GRIK2: variants seen among roughly 807,000 people sequenced by gnomAD.
GRIK2 encodes glutamate receptor ionotropic, kainate 2.
In GRIK2, 32 loss-of-function variants were observed where a neutral mutation model predicts 100.3. The ratio of observed to expected loss-of-function variants is 0.32; its 90% CI spans 0.24 to 0.43. The LOEUF (loss-of-function observed/expected upper bound fraction) is 0.43. Ranked by LOEUF, GRIK2 falls within the 20% of genes least tolerant of loss-of-function variation. The pLI is 1.00. For synonymous variants in GRIK2, 417 were observed against 389.4 expected (o/e 1.07, Z -0.83); for missense variants, 843 against 1,114.9 (o/e 0.76, Z 3.47).
chr6:101,879,947 C>T (rs1786130956), intron 11 of GRIK2, among the ~76,000 whole-genome samples: 2 of 152,068 alleles, frequency 1.3e-5, no homozygotes. Flanking sequence ...ATTTTGTCCA[C>T]CAACCCATAG....
chr6:101,848,559 C>G (rs911824810), intron 10 of GRIK2, among the ~76,000 whole-genome samples: 1 of 152,006 alleles, frequency 6.6e-6, no homozygotes, highest in Admixed American at 6.6e-5. Flanking sequence ...TATTTTAACA[C>G]GAGGTATTCC....
chr6:101,609,666 A>G (rs150567424), intron 2 of GRIK2, among the ~76,000 whole-genome samples: 8 of 151,970 alleles, frequency 5.3e-5, no homozygotes, highest in Non-Finnish European at 8.8e-5. Flanking sequence ...TCTTCTCCAT[A>G]TTAGTGAGAT....
chr6:101,713,565 G>T (rs763118637), intron 7 of GRIK2, among the ~76,000 whole-genome samples: 12 of 151,786 alleles, frequency 7.9e-5, no homozygotes, highest in Non-Finnish European at 1.2e-4. Context: ...TTCAGCAAAA[G>T]ACTATGATAA....
At chr6:101,783,736 A>C (rs1026031414) in intron 7 of GRIK2, among the ~76,000 whole-genome samples, 17 of 152,156 alleles carry the variant, frequency 1.1e-4, no homozygotes, top group African/African-American at 4.1e-4. Context: ...ATGCAGATGA[A>C]GAACTTGCTG....
rs532344836 is a variant in GRIK2 at position 101,668,565 on chromosome 6, C to T, written c.542-8058C>T. 1.4e-3 allele frequency among the ~76,000 whole-genome samples: 25 copies of T among 17,332 alleles called. No homozygotes were observed. The South Asian group carries it at 0.084, about 58-fold the overall frequency. The allele number at this position is 17,332 out of a possible 152,430, so 11.4% of individuals were successfully genotyped here. A position where few individuals can be genotyped will look rare whatever the true frequency, so the allele number is the denominator to read the frequency against. Reference sequence around the variant, plus strand: ...TTCTGAATAAATTATTATCTTTTCTCAACTGAAAAAAAAAAGATGATGATG... The same window carrying T: ...TTCTGAATAAATTATTATCTTTTCTTAACTGAAAAAAAAAAGATGATGATG... On this transcript the variant is annotated intron_variant, in intron 4 of 16. Coordinates refer to ENST00000369134, the MANE Select transcript of GRIK2 (RefSeq NM_021956.5).
At chr6:101,720,676 G>A (rs1033018098) in intron 7 of GRIK2, among the ~76,000 whole-genome samples, 1 of 151,504 alleles carries the variant, frequency 6.6e-6, no homozygotes, top group African/African-American at 2.4e-5. Flanking sequence ...CTTAGGTATG[G>A]AAATATCAAT....
chr6:101,879,163 AG>A, intron 11 of GRIK2, among the ~76,000 whole-genome samples: 1 of 152,186 alleles, frequency 6.6e-6, no homozygotes, highest in Non-Finnish European at 1.5e-5. Flanking sequence ...TCCTTGATCA[AG>A]GTAAACCATA....
chr6:101,634,898 A>G (rs978578359), intron 4 of GRIK2, among the ~76,000 whole-genome samples: 4 of 152,078 alleles, frequency 2.6e-5, no homozygotes, highest in Admixed American at 2.6e-4. Flanking sequence ...TGCTTTAGAT[A>G]CATTTTTGTG....
intron 2 of GRIK2, among the ~76,000 whole-genome samples, chr6:101,524,536 A>C (rs930268262): frequency 8.5e-5 from 13 of 152,072 alleles, no homozygotes; most frequent in Non-Finnish European, 1.5e-5. Context: ...TTTAAATCTA[A>C]GACTATGAGA....
At chr6:101,469,857 G>T (rs1582520200) in intron 2 of GRIK2, among the ~76,000 whole-genome samples, 1 of 152,160 alleles carries the variant, frequency 6.6e-6, no homozygotes, top group East Asian at 1.9e-4. Flanking sequence ...CATCTAAATA[G>T]TCCTCTTTCT....
intron 2 of GRIK2, among the ~76,000 whole-genome samples, chr6:101,428,586 C>T (rs931757799): frequency 1.3e-5 from 2 of 152,106 alleles, no homozygotes; most frequent in Non-Finnish European, 2.9e-5. Flanking sequence ...AAAAATGGTT[C>T]TTGCAGTTAC....
chr6:102,026,269 T>C (rs1769702252), intron 14 of GRIK2, among the ~76,000 whole-genome samples: 1 of 150,250 alleles, frequency 6.7e-6, no homozygotes, highest in African/African-American at 2.4e-5. Context: ...TACAGAGCTT[T>C]ATGGACTGTC....
At chr6:101,738,670 C>T (rs897267215) in intron 7 of GRIK2, among the ~76,000 whole-genome samples, 10 of 152,064 alleles carry the variant, frequency 6.6e-5, no homozygotes, top group South Asian at 4.1e-4. Context: ...GTTTCTCAAC[C>T]TTGGCACTAC....
At position 101,624,100 on chromosome 6, in the gene GRIK2, A is replaced by G. The variant is rs576150178; in HGVS notation, c.283+1984A>G. Among the ~76,000 whole-genome samples the G allele has an allele frequency of 1.3e-4, 20 of 152,216 alleles. No homozygotes were observed. The South Asian group carries it at 3.7e-3, about 28-fold the overall frequency. On this transcript the variant is annotated intron_variant, in intron 3 of 16. Coordinates refer to ENST00000369134, the MANE Select transcript of GRIK2 (RefSeq NM_021956.5). Reference sequence around the variant, plus strand: ...TTTTTCTGTTATAGTTTTAAAGGGTAGTATTGTTCTGCTCAATTAATAAAT... The same window carrying G: ...TTTTTCTGTTATAGTTTTAAAGGGTGGTATTGTTCTGCTCAATTAATAAAT...
At chr6:101,988,559 C>A (rs1311235128) in intron 14 of GRIK2, among the ~76,000 whole-genome samples, 1 of 151,778 alleles carries the variant, frequency 6.6e-6, no homozygotes, top group Non-Finnish European at 1.5e-5. Flanking sequence ...ACTTAATGCT[C>A]TGTGACTTAT....
chr6:101,504,073 A>G (rs868497468), intron 2 of GRIK2, among the ~76,000 whole-genome samples: 3 of 152,254 alleles, frequency 2.0e-5, no homozygotes, highest in Middle Eastern at 3.4e-3. Flanking sequence ...CTAACACTAC[A>G]TATCAATATA....
intron 2 of GRIK2, among the ~76,000 whole-genome samples, chr6:101,573,718 C>G (rs1001695208): frequency 2.0e-5 from 3 of 152,056 alleles, no homozygotes; most frequent in African/African-American, 7.2e-5. Context: ...TTTTTACAGA[C>G]CACTTGAATT....
chr6:101,401,465 C>A (rs190416829), intron 2 of GRIK2, among the ~76,000 whole-genome samples: 1 of 152,140 alleles, frequency 6.6e-6, no homozygotes, highest in East Asian at 1.9e-4. Flanking sequence ...TTAAGAAATA[C>A]GGTAGTAGGC....
chr6:101,561,957 T>G (rs915995475), intron 2 of GRIK2, among the ~76,000 whole-genome samples: 1 of 152,148 alleles, frequency 6.6e-6, no homozygotes, highest in African/African-American at 2.4e-5. Flanking sequence ...GTGGGGGTCA[T>G]CCTTATAAAA....
Sources: allele counts gnomAD v4.1 joint callset (sites outside exome capture counted in the v4.1 genomes callset), GRCh38; gene constraint gnomAD v4.1.1; transcripts MANE v1.5; gene names NCBI Gene and HGNC (gene_info 2026-07-23, HGNC 2026-07-21).